The following ATG4A variants were observed in gnomAD, a reference collection of about 807,000 sequenced individuals.
The protein encoded by ATG4A is cysteine protease ATG4A.
In ATG4A, 22 loss-of-function variants were observed where a neutral mutation model predicts 38.4. That is an observed-to-expected ratio of 0.57 (90% CI 0.41 to 0.82). ATG4A has a LOEUF of 0.82. Among genes scored for constraint, ATG4A ranks in the 40% least tolerant of loss-of-function variants. The pLI, the probability that ATG4A is intolerant of heterozygous loss-of-function variation, is 0.00. For missense variants in ATG4A, 220 were observed against 290.0 expected (o/e 0.76, Z 1.75); for synonymous variants, 86 against 100.7 (o/e 0.85, Z 0.88).
In ATG4A at chrX:108,131,314, A is replaced by G; in HGVS notation, c.248A>G (p.Gln83Arg). Residue 83 changes from glutamine to arginine, a missense_variant, in exon 4 of 13, where the codon CAG (glutamine) becomes CGG (arginine). By Grantham distance (43) the Gln-to-Arg change is conservative. This residue lies in a region of ATG4A where 61 missense variants were observed against 83.3 expected (regional missense o/e 0.73). Transcript: ENST00000372232. ...TGGGGATGTATGCTACGCTGTGGACAGATGATGCTGGCTCAAGCCCTTATC... is the reference window on the plus strand; with the variant it reads ...TGGGGATGTATGCTACGCTGTGGACGGATGATGCTGGCTCAAGCCCTTATC... ...AGWGCMLRCGQMMLAQALICR... is the reference protein window; with the variant it reads ...AGWGCMLRCGRMMLAQALICR... 1.6e-6 allele frequency: 2 copies of G among 1,212,166 alleles called. No individual in the cohort carries two copies. Among genetic ancestry groups the G allele is most frequent in the Non-Finnish European group, 2.2e-6 (2 of 895,634 alleles).
At chrX:108,135,338 C>T (rs1435704287) in intron 6 of ATG4A, among the ~76,000 whole-genome samples, 1 of 112,249 alleles carries the variant, frequency 8.9e-6, no homozygotes, top group Non-Finnish European at 1.9e-5. Context: ...ACCTTCTGGC[C>T]TCCTTTGGTG....
chrX:108,138,834 C>T (rs2033168058), intron 9 of ATG4A, among the ~76,000 whole-genome samples: 1 of 111,748 alleles, frequency 8.9e-6, no homozygotes, highest in Non-Finnish European at 1.9e-5. Context: ...ACCTTGAGAG[C>T]CTATTGGAGT....
chrX:108,117,776 C>T (rs867891340), intron 1 of ATG4A, among the ~76,000 whole-genome samples: 63 of 112,299 alleles, frequency 5.6e-4, no homozygotes, highest in African/African-American at 2.0e-3. Flanking sequence ...TCATTATTAA[C>T]TAATTAATTG....
At chrX:108,127,330 G>A (rs1569307005) in intron 2 of ATG4A, among the ~76,000 whole-genome samples, 1 of 112,281 alleles carries the variant, frequency 8.9e-6, no homozygotes, top group African/African-American at 3.2e-5. Flanking sequence ...GACTGTCAGA[G>A]GCAGGAGTGA....
chrX:108,100,738 C>G (rs2031979325), intron 1 of ATG4A, among the ~76,000 whole-genome samples: 1 of 111,780 alleles, frequency 8.9e-6, no homozygotes. Context: ...GTTGAGCTAG[C>G]CTTGCATCCT....
At chrX:108,140,973 T>C (rs1054928526) in intron 9 of ATG4A, among the ~76,000 whole-genome samples, 1 of 89,629 alleles carries the variant, frequency 1.1e-5, no homozygotes, top group African/African-American at 4.4e-5. Flanking sequence ...TACACATATA[T>C]ACACATATAT....
rs1480540794 is a variant in ATG4A, at chrX:108,141,356, T to C, written c.814+3165T>C. Among the ~76,000 whole-genome samples the C allele has an allele frequency of 3.7e-5, 4 of 109,214 alleles. 1 individual carries two copies. Among genetic ancestry groups the C allele is most frequent in the Non-Finnish European group, 1.9e-5 (1 of 52,606 alleles). The allele number at this position is 109,214 out of a possible 115,157, so 94.8% of individuals were successfully genotyped here. On this transcript the variant is annotated intron_variant, in intron 9 of 12. Transcript: ENST00000372232. ...ATGGGTCATCCTATCTACTTGATTA[T>C]TAATCAAGAATACACACAATATTTC...
At chrX:108,132,987 C>T (rs188321454) in intron 4 of ATG4A, among the ~76,000 whole-genome samples, 17 of 111,691 alleles carry the variant, frequency 1.5e-4, no homozygotes, top group African/African-American at 5.2e-4. Context: ...TTGCCATTGT[C>T]GTCAGTGAAT....
intron 1 of ATG4A, among the ~76,000 whole-genome samples, chrX:108,117,163 C>CT (rs145499711): frequency 0.053 from 5,522 of 104,683 alleles, 136 homozygotes; most frequent in East Asian, 0.12. Context: ...AGCTTTTAGG[C>CT]TTTTTTTTTT....
At chrX:108,131,496 G>A (rs2032951444) in intron 4 of ATG4A, 138 bp downstream of exon 4, 3 of 533,806 alleles carry the variant, frequency 5.6e-6, no homozygotes, top group Non-Finnish European at 8.9e-6. Flanking sequence ...GCAAGCTCAA[G>A]TGGTGGGGCT....
chrX:108,116,541 AG>A (rs1174805884), intron 1 of ATG4A, among the ~76,000 whole-genome samples: 6 of 112,306 alleles, frequency 5.3e-5, no homozygotes. Context: ...TTTTTTTAAC[AG>A]AATTTAATTT....
intron 12 of ATG4A, among the ~76,000 whole-genome samples, chrX:108,153,426 C>T (rs1307706081): frequency 1.8e-5 from 2 of 112,041 alleles, no homozygotes; most frequent in South Asian, 3.8e-4. Flanking sequence ...GCCACATCAC[C>T]GTCGTTAGGT....
intron 1 of ATG4A, among the ~76,000 whole-genome samples, chrX:108,097,792 C>T (rs2031873135): frequency 8.9e-6 from 1 of 112,047 alleles, no homozygotes; most frequent in South Asian, 3.7e-4. Flanking sequence ...CACCATGAAA[C>T]TTCTCCATTC....
chrX:108,132,073 A>G (rs781575894), intron 4 of ATG4A, among the ~76,000 whole-genome samples: 18 of 111,099 alleles, frequency 1.6e-4, no homozygotes, highest in Non-Finnish European at 2.8e-4. Context: ...TGATTTTTGA[A>G]TTTTTAGTAG....
At chrX:108,140,681 T>C (rs1389673512) in intron 9 of ATG4A, among the ~76,000 whole-genome samples, 2 of 101,464 alleles carry the variant, frequency 2.0e-5, no homozygotes, top group Non-Finnish European at 3.9e-5. Flanking sequence ...TTTACAAATA[T>C]ATAAAATGTA....
upstream of ATG4A, among the ~76,000 whole-genome samples, chrX:108,090,135 TTCAG>T (rs993730371): frequency 5.3e-5 from 6 of 112,211 alleles, no homozygotes; most frequent in African/African-American, 1.9e-4. Context: ...ACCCTTCTCT[TTCAG>T]TATGTAAAAA....
At chrX:108,139,394 T>C (rs764204748) in intron 9 of ATG4A, among the ~76,000 whole-genome samples, 228 of 112,522 alleles carry the variant, frequency 2.0e-3, no homozygotes, top group African/African-American at 7.0e-3. Flanking sequence ...GGACAGTCAC[T>C]GAAAGGTGGC....
chrX:108,116,892 C>T (rs1201560208), intron 1 of ATG4A, among the ~76,000 whole-genome samples: 3 of 112,175 alleles, frequency 2.7e-5, no homozygotes, highest in Non-Finnish European at 5.6e-5. Context: ...TTTCTAAGGT[C>T]GAGTGCTGCC....
chrX:108,117,894 T>C (rs1356671272), intron 1 of ATG4A, among the ~76,000 whole-genome samples: 1 of 112,162 alleles, frequency 8.9e-6, no homozygotes, highest in East Asian at 2.8e-4. Context: ...AGGTAACAGA[T>C]TATATGACCA....
Sources: allele counts gnomAD v4.1 joint callset (sites outside exome capture counted in the v4.1 genomes callset), GRCh38; gene constraint gnomAD v4.1.1; regional missense constraint gnomAD v4.1.1; transcripts MANE v1.5; gene names NCBI Gene and HGNC (gene_info 2026-07-23, HGNC 2026-07-21).